RIN2: variants seen among roughly 807,000 people sequenced by gnomAD.
The protein encoded by RIN2 is Ras and Rab interactor 2, also known as RAB5 interacting protein 2.
In RIN2, 36 loss-of-function variants were observed where a neutral mutation model predicts 78.0. That is an observed-to-expected ratio of 0.46 (90% confidence interval 0.35 to 0.61). The LOEUF (loss-of-function observed/expected upper bound fraction) is 0.61. RIN2 is among the 20% of genes least tolerant of loss of function. The pLI is 0.00. For missense variants in RIN2, 1,087 were observed against 1,159.7 expected (o/e 0.94, Z 0.91); for synonymous variants, 466 against 466.8 (o/e 1.00, Z 0.02).
At chr20:19,948,113 A>G (rs1405280498) in intron 4 of RIN2, among the ~76,000 whole-genome samples, 1 of 152,212 alleles carries the variant, frequency 6.6e-6, no homozygotes, top group Non-Finnish European at 1.5e-5. Context: ...GATAAAACAC[A>G]AGGGTAGACC....
chr20:19,876,123 G>A (rs1318580855), intron 2 of RIN2, among the ~76,000 whole-genome samples: 6 of 152,200 alleles, frequency 3.9e-5, no homozygotes, highest in African/African-American at 9.7e-5. Flanking sequence ...ACTGCTTCTC[G>A]TACTTTTTTC....
At chr20:19,984,051 C>T (rs973006289) in intron 9 of RIN2, among the ~76,000 whole-genome samples, 1 of 144,946 alleles carries the variant, frequency 6.9e-6, no homozygotes, top group East Asian at 2.2e-4. Flanking sequence ...AACAACAGGC[C>T]CCCATGAAGC....
chr20:19,866,686 A>G (rs1449693593), intron 2 of RIN2, among the ~76,000 whole-genome samples: 3 of 152,134 alleles, frequency 2.0e-5, no homozygotes, highest in Non-Finnish European at 4.4e-5. Flanking sequence ...GTGCAGTGGC[A>G]TGATCTCAGC....
chr20:19,925,877 G>A (rs2040202755), intron 3 of RIN2, among the ~76,000 whole-genome samples: 1 of 152,176 alleles, frequency 6.6e-6, no homozygotes, highest in Admixed American at 6.5e-5. Context: ...GTTTCACACA[G>A]TGCACAAGGG....
At chr20:19,915,427 C>A (rs762514862) in intron 3 of RIN2, among the ~76,000 whole-genome samples, 2 of 152,148 alleles carry the variant, frequency 1.3e-5, no homozygotes, top group Non-Finnish European at 2.9e-5. Context: ...TCACTCCCAG[C>A]CACAGAGCTT....
At chr20:19,850,073 C>G (rs1027567380) in intron 2 of RIN2, among the ~76,000 whole-genome samples, 1 of 152,194 alleles carries the variant, frequency 6.6e-6, no homozygotes, top group Non-Finnish European at 1.5e-5. Flanking sequence ...GCCGGCCTCA[C>G]GCCTGAGGAG....
intron 2 of RIN2, among the ~76,000 whole-genome samples, chr20:19,876,418 G>C (rs34134500): frequency 0.19 from 29,313 of 152,098 alleles, 3,133 homozygotes; most frequent in Middle Eastern, 0.37. Flanking sequence ...GGGAAGAGGA[G>C]AGAAAAGGAA....
At chr20:19,910,347 A>G (rs1196820769) in intron 3 of RIN2, among the ~76,000 whole-genome samples, 2 of 151,152 alleles carry the variant, frequency 1.3e-5, no homozygotes, top group Non-Finnish European at 2.9e-5. Flanking sequence ...TAATTTTTGT[A>G]TTTTTAGTGG....
In RIN2 at chr20:19,975,446, C is replaced by T. The variant is rs763221257; in HGVS notation, c.1421C>T (p.Ala474Val). The T allele has an allele frequency of 1.2e-6, 2 of 1,614,044 alleles. No individual in the cohort carries two copies. The highest frequency in any genetic ancestry group is 1.7e-6 in the Non-Finnish European group (2 of 1,179,892). Residue 474 changes from alanine to valine, a missense_variant, in exon 9 of 13, where the codon GCG becomes GTG. This residue lies in a region of RIN2 where 706 missense variants were observed against 667.5 expected (regional missense o/e 1.06). Transcript: ENST00000255006. This position sits in a 1 kb window ranked among gnomAD's most constrained non-coding sequence, Gnocchi z 4.9. ...GGGGAAAGTGACCAAGAGACCATGG[C>T]GCCCCCCATCAAGTCCAAAAAGAAA... The part of the protein sequence containing the change: ...YEGESDQETM[A>V]PPIKSKKKRS...
At chr20:19,789,438 T>G (rs2034816894) in intron 1 of RIN2, among the ~76,000 whole-genome samples, 1 of 152,230 alleles carries the variant, frequency 6.6e-6, no homozygotes, top group Admixed American at 6.5e-5. Context: ...TAGAATTTCC[T>G]CTCCCTTGTC....
chr20:19,844,669 C>CTTCTTCCTCTTCCTCTTCTTCTT (rs1232176696), intron 2 of RIN2, among the ~76,000 whole-genome samples: 1 of 76,166 alleles, frequency 1.3e-5, no homozygotes, highest in African/African-American at 6.2e-5. Context: ...TCTTCTTCTT[C>CTTCTTCCTCTTCCTCTTCTTCTT]CTTCTTCTTC....
intron 1 of RIN2, among the ~76,000 whole-genome samples, chr20:19,785,079 A>C (rs2034628827): frequency 6.6e-6 from 1 of 152,158 alleles, no homozygotes; most frequent in Non-Finnish European, 1.5e-5. Context: ...TAGAGGGCGC[A>C]TCTGAATCAA....
chr20:19,927,845 C>T lies in RIN2; in HGVS notation c.58-7254C>T, dbSNP rs151071965. ...GATTATAGGGGTAGGCTACTGCTCC[C>T]GGCCAAGAGATCATTTAAATAGGAA... On this transcript the variant is annotated intron_variant, in intron 3 of 12. Transcript: ENST00000255006. 7.9e-3 allele frequency among the ~76,000 whole-genome samples: 1,204 copies of T among 152,186 alleles called. 7 individuals carry two copies. Among genetic ancestry groups the T allele is most frequent in the African/African-American group, 0.028 (1,143 of 41,532 alleles).
intron 3 of RIN2, among the ~76,000 whole-genome samples, chr20:19,926,997 TACA>T (rs1308335133): frequency 6.6e-6 from 1 of 152,226 alleles, no homozygotes; most frequent in Non-Finnish European, 1.5e-5. Flanking sequence ...CAAAGAAGCA[TACA>T]ACAACTTTTC....
intron 8 of RIN2, among the ~76,000 whole-genome samples, chr20:19,973,793 GA>G (rs74558708): frequency 1.7e-3 from 242 of 141,022 alleles, no homozygotes; most frequent in Middle Eastern, 7.4e-3. Context: ...CGTCTCAAGG[GA>G]AAAAAAAAAA....
At chr20:19,810,458 C>T (rs1600509403) in intron 2 of RIN2, among the ~76,000 whole-genome samples, 1 of 151,912 alleles carries the variant, frequency 6.6e-6, no homozygotes, top group Non-Finnish European at 1.5e-5. Context: ...CCAGGGCCCC[C>T]AGGAGGGAGG....
chr20:19,765,132 G>A (rs972407895), intron 1 of RIN2, among the ~76,000 whole-genome samples: 36 of 151,816 alleles, frequency 2.4e-4, no homozygotes, highest in African/African-American at 8.5e-4. Flanking sequence ...TTACAGGCGT[G>A]AGCCACCGTG....
At chr20:19,960,911 G>C (rs1206743093) in intron 6 of RIN2, 100 bp downstream of exon 6, 3 of 703,526 alleles carry the variant, frequency 4.3e-6, no homozygotes, top group East Asian at 2.7e-5. Flanking sequence ...GGGCAGATAT[G>C]GGCCTGAGTC....
intron 2 of RIN2, among the ~76,000 whole-genome samples, chr20:19,860,273 G>T (rs1053410014): frequency 2.7e-5 from 4 of 145,986 alleles, no homozygotes; most frequent in Non-Finnish European, 4.6e-5. Context: ...TCCTGTATCG[G>T]GTCTGCCCCT....
Sources: allele counts gnomAD v4.1 joint callset (sites outside exome capture counted in the v4.1 genomes callset), GRCh38; gene constraint gnomAD v4.1.1; regional missense constraint gnomAD v4.1.1; non-coding constraint Gnocchi (gnomAD v3.1); transcripts MANE v1.5; gene names NCBI Gene and HGNC (gene_info 2026-07-23, HGNC 2026-07-21).